The following DNAH10 variants were observed in gnomAD, a reference collection of about 807,000 sequenced individuals.
The protein encoded by DNAH10 is dynein axonemal heavy chain 10, also known as axonemal beta dynein heavy chain 10.
Under a neutral mutation model 506.6 loss-of-function variants are expected in DNAH10, and 348 were observed. That is an observed-to-expected ratio of 0.69 (90% CI 0.63 to 0.75). The LOEUF (loss-of-function observed/expected upper bound fraction) is 0.75. DNAH10 is among the 30% of genes least tolerant of loss of function. The probability of loss-of-function intolerance (pLI) is 0.00; values close to 1 mark genes in which losing one functional copy is unlikely to be tolerated. For synonymous variants in DNAH10, 2,059 were observed against 2,198.6 expected, an observed-to-expected ratio of 0.94 and a Z score of 1.78; for missense variants, 5,179 against 5,787.1, an observed-to-expected ratio of 0.89 and a Z score of 3.41.
intron 15 of DNAH10, 106 bp downstream of exon 15, chr12:123,800,494 G>A: frequency 9.0e-7 from 1 of 1,112,346 alleles, no homozygotes; most frequent in Non-Finnish European, 1.3e-6. Context: ...CATTTTTGTG[G>A]ATTTTATAAT....
At chr12:123,782,566 C>T (rs1957705509) in intron 6 of DNAH10, among the ~76,000 whole-genome samples, 1 of 151,716 alleles carries the variant, frequency 6.6e-6, no homozygotes, top group South Asian at 2.1e-4. Flanking sequence ...CACACACCAC[C>T]ATGCCTAGCT....
At chr12:123,923,666 T>C (rs533065213) in intron 65 of DNAH10, 97 bp from the exon 66 acceptor site, 187 of 753,818 alleles carry the variant, frequency 2.5e-4, no homozygotes, top group Middle Eastern at 1.2e-3. Context: ...GTTCGAGTGT[T>C]TCATTTATCT....
At chr12:123,852,407 T>G (rs1417105881) in intron 35 of DNAH10, among the ~76,000 whole-genome samples, 1 of 152,202 alleles carries the variant, frequency 6.6e-6, no homozygotes, top group African/African-American at 2.4e-5. Flanking sequence ...ATGTCTTTTA[T>G]TGAAAGCTCT....
Position 123,771,623 on chromosome 12 carries a change from C to T in DNAH10, c.321C>T (p.Thr107=), listed in dbSNP as rs371494368. 3.0e-5 allele frequency: 49 copies of T among 1,613,578 alleles called. No homozygotes were observed. The African/African-American group carries it at 3.2e-4, about 11-fold the overall frequency. ...CAGCTAAGCGTGTGTCACTGAGAAC[C>T]GAATCTCTAGGCCAACCTCTAAACA... ...KVRAKRVSLR[T]ESLGQPLNRE... The change falls in exon 3 of 79, where the codon ACC becomes ACT. Residue 107 remains threonine, a synonymous_variant. Coordinates refer to ENST00000673944, the MANE Select transcript of DNAH10 (RefSeq NM_001372106.1).
Position 123,887,144 on chromosome 12 carries a change from G to A in DNAH10, c.8826G>A (p.Val2942=), listed in dbSNP as rs370457779. The change falls in exon 52 of 79, where the codon GTG becomes GTA. Residue 2942 remains valine (V), a splice_region_variant and synonymous_variant. Transcript: ENST00000673944. ...TGTGCTCTGTGTCTGCATCGCAGGTGTTTGAGATCCTGCTGAGCCGAGGCT... is the reference window on the plus strand; with the variant it reads ...TGTGCTCTGTGTCTGCATCGCAGGTATTTGAGATCCTGCTGAGCCGAGGCT... ...RLAAFTASCE[V]FEILLSRGYS... 95 of 1,604,802 alleles carry A rather than the reference G, an allele frequency of 5.9e-5. No homozygotes were observed. The highest frequency in any genetic ancestry group is 7.1e-5 in the Non-Finnish European group (83 of 1,175,738).
At position 123,803,727 on chromosome 12, in the gene DNAH10, T is replaced by C; in HGVS notation, c.2681T>C (p.Ile894Thr). The change falls in exon 17 of 79, where the codon ATT (isoleucine) becomes ACT (threonine). Residue 894 changes from isoleucine to threonine, a missense_variant. By Grantham distance (89) the Ile-to-Thr change is moderately conservative. Transcript: ENST00000673944. ...AAATTTGAGTCTCTCGTCCACCAGATTCATAAGAATGCAGATGACATTTCT... is the reference window on the plus strand; with the variant it reads ...AAATTTGAGTCTCTCGTCCACCAGACTCATAAGAATGCAGATGACATTTCT... ...IGKFESLVHQ[I>T]HKNADDISSR... is the part of the protein sequence containing the mutation. The C allele has an allele frequency of 6.2e-7, 1 of 1,611,982 alleles. No individual in the cohort carries two copies. The highest frequency in any genetic ancestry group is 2.2e-5 in the East Asian group (1 of 44,796).
chr12:123,814,807 C>T (rs549669335), intron 21 of DNAH10, among the ~76,000 whole-genome samples: 3 of 152,082 alleles, frequency 2.0e-5, no homozygotes, highest in East Asian at 1.9e-4. Context: ...TTAGTAGAGA[C>T]AGGGTTTTAC....
At chr12:123,864,848 G>T (rs1039725397) in intron 40 of DNAH10, 118 bp downstream of exon 40, 3 of 1,240,222 alleles carry the variant, frequency 2.4e-6, no homozygotes, top group East Asian at 2.6e-5. Flanking sequence ...ATGCATAAGG[G>T]TTTATAATGA....
At chr12:123,805,198 C>T (rs1036450937) in intron 18 of DNAH10, among the ~76,000 whole-genome samples, 158 bp downstream of exon 18, 1 of 152,090 alleles carries the variant, frequency 6.6e-6, no homozygotes, top group Non-Finnish European at 1.5e-5. Context: ...GGGGGATGAC[C>T]TTCATGATCT....
At chr12:123,847,259 TATCTATCC>T (rs1309343829) in intron 32 of DNAH10, among the ~76,000 whole-genome samples, 6,059 of 132,452 alleles carry the variant, frequency 0.046, 361 homozygotes, top group African/African-American at 0.15. Context: ...TCTATCTATC[TATCTATCC>T]ATCCATCCAT....
intron 69 of DNAH10, chr12:123,927,939 C>T (rs1413821930): frequency 1.7e-5 from 3 of 175,734 alleles, no homozygotes; most frequent in Non-Finnish European, 3.6e-5. Flanking sequence ...GGGTGTTTAG[C>T]TTGTTTGTGC....
chr12:123,935,581 G>A lies in DNAH10; in HGVS notation c.*100G>A, dbSNP rs769422066. Reference sequence around the variant, plus strand: ...TTGGGGCCTCTCAAGAGGCAGGAGGGGGACTGACACTGATTTTTCATTTGA... The same window carrying A: ...TTGGGGCCTCTCAAGAGGCAGGAGGAGGACTGACACTGATTTTTCATTTGA... On this transcript the variant is annotated 3_prime_UTR_variant, in exon 79 of 79. Transcript: ENST00000673944. 1 of 1,270,786 alleles carries A rather than the reference G, an allele frequency of 7.9e-7. No homozygotes were observed. Among genetic ancestry groups the A allele is most frequent in the Non-Finnish European group, 1.1e-6 (1 of 932,014 alleles). The allele number at this position is 1,270,786 out of a possible 1,614,324, so 78.7% of individuals were successfully genotyped here.
At position 123,774,257 on chromosome 12, in the gene DNAH10, T is replaced by C; in HGVS notation, c.614T>C (p.Ile205Thr). 1 of 1,589,572 alleles carries C rather than the reference T, an allele frequency of 6.3e-7. No individual in the cohort carries two copies. The highest frequency in any genetic ancestry group is 1.7e-4 in the Middle Eastern group (1 of 5,960). Residue 205 changes from isoleucine to threonine, a missense_variant, in exon 5 of 79, where the codon ATA becomes ACA. Transcript: ENST00000673944. ...ANVLHFLKNI[I>T]CQVFLPALSF... is the part of the protein sequence containing the mutation. ...GTGCTCCATTTTCTGAAGAATATTA[T>C]ATGTCAGGTAAACATGGAGAAAGGA...
chr12:123,866,181 C>T, intron 41 of DNAH10, 108 bp downstream of exon 41: 3 of 848,320 alleles, frequency 3.5e-6, no homozygotes, highest in Non-Finnish European at 3.2e-6. Context: ...TTGTCCTTGA[C>T]CTGCCCATGT....
chr12:123,775,578 CAG>C (rs1957409474), intron 5 of DNAH10, among the ~76,000 whole-genome samples: 1 of 152,140 alleles, frequency 6.6e-6, no homozygotes, highest in Admixed American at 6.6e-5. Context: ...GCATGCTGGG[CAG>C]AGAGAACAGC....
chr12:123,812,890 C>T (rs1405595380), intron 19 of DNAH10, among the ~76,000 whole-genome samples: 1 of 152,118 alleles, frequency 6.6e-6, no homozygotes. Context: ...AGCTGCAGGG[C>T]TTTCTTGACT....
intron 29 of DNAH10, among the ~76,000 whole-genome samples, chr12:123,840,487 C>G (rs1209704711): frequency 7.0e-6 from 1 of 143,176 alleles, no homozygotes; most frequent in African/African-American, 2.6e-5. Flanking sequence ...TCATTGCAGC[C>G]TCTACCTCCT....
rs529620806 is a variant in DNAH10 at position 123,838,659 on chromosome 12, C to A, written c.5106C>A (p.Asp1702Glu). The change falls in exon 29 of 79, where the codon GAC becomes GAA. Residue 1702 changes from aspartate to glutamate, a missense_variant. Physicochemically the swap from Asp to Glu is conservative, Grantham distance 45 (BLOSUM62 2). Transcript: ENST00000673944. Reference protein sequence around the residue: ...DELLSILGSSDPLCVQEHMIK... With the variant: ...DELLSILGSSEPLCVQEHMIK... Reference sequence around the variant, plus strand: ...TGCTTAGCATTCTGGGGAGCAGCGACCCACTCTGCGTCCAGGAGCACATGA... The same window carrying A: ...TGCTTAGCATTCTGGGGAGCAGCGAACCACTCTGCGTCCAGGAGCACATGA... The A allele has an allele frequency of 6.2e-7, 1 of 1,613,938 alleles. No individual in the cohort carries two copies. Among genetic ancestry groups the A allele is most frequent in the Non-Finnish European group, 8.5e-7 (1 of 1,179,904 alleles).
chr12:123,903,188 C>G lies in DNAH10; in HGVS notation c.9815+75C>G. On this transcript the variant is annotated intron_variant, in intron 57 of 78. Coordinates refer to ENST00000673944, the MANE Select transcript of DNAH10 (RefSeq NM_001372106.1). The surrounding 1 kb of genome is among the most constrained non-coding windows in gnomAD (Gnocchi z 4.6). ...CAGTAGTCTCCATGATCGTGGCAAC[C>G]AGGAGCTTACAAAGGAGCCGATGCC... is the stretch of plus-strand genomic sequence containing the variant. The G allele has an allele frequency of 5.4e-6, 8 of 1,479,072 alleles. No homozygotes were observed. The highest frequency in any genetic ancestry group is 6.3e-6 in the Non-Finnish European group (7 of 1,112,106). 91.6% of individuals were successfully genotyped at this position (1,479,072 alleles called of 1,614,324 possible).
Sources: allele counts gnomAD v4.1 joint callset (sites outside exome capture counted in the v4.1 genomes callset), GRCh38; gene constraint gnomAD v4.1.1; non-coding constraint Gnocchi (gnomAD v3.1); transcripts MANE v1.5; gene names NCBI Gene and HGNC (gene_info 2026-07-23, HGNC 2026-07-21).